ANXA4: variants seen among roughly 807,000 people sequenced by gnomAD.
ANXA4 encodes the protein annexin A4, also known as 35-beta calcimedin.
ANXA4 carries 39 observed loss-of-function variants against 49.8 expected under a neutral mutation model. The observed-to-expected ratio is 0.78, with a 90% CI of 0.61 to 1.02. The LOEUF is 1.02. ANXA4 is among the 50% of genes least tolerant of loss of function. The pLI is 0.00. For missense variants in ANXA4, 360 were observed against 410.1 expected, an observed-to-expected ratio of 0.88 and a Z score of 1.05; for synonymous variants, 134 against 152.5, an observed-to-expected ratio of 0.88 and a Z score of 0.89.
At chr2:69,653,785 A>G (rs1676338342) in intron 2 of ANXA4, among the ~76,000 whole-genome samples, 1 of 152,236 alleles carries the variant, frequency 6.6e-6, no homozygotes, top group Admixed American at 6.5e-5. Context: ...TTGGTTCCAT[A>G]TGAAATTTAA....
In ANXA4 at chr2:69,771,093, C is replaced by CTA. The variant is rs1671693463; in HGVS notation, c.-46-10427_-46-10426insTA. 4.0e-5 allele frequency among the ~76,000 whole-genome samples: 4 copies of CTA among 99,458 alleles called. No homozygotes were observed. In the South Asian group the frequency reaches 1.3e-3, roughly 33 times the overall value. The allele number at this position is 99,458 out of a possible 152,430, so 65.2% of individuals were successfully genotyped here. A position where few individuals can be genotyped will look rare whatever the true frequency, so the allele number is the denominator to read the frequency against. The stretch of plus-strand genomic sequence containing the variant: ...TGGGCAACAGGGCAAGACCCTGTCT[C>CTA]CAAAAAAAAAAAAAAGAAAAAAAAA... On this transcript the variant is annotated intron_variant, in intron 1 of 12. Coordinates refer to ENST00000394295, the MANE Select transcript of ANXA4 (RefSeq NM_001153.5).
At chr2:69,690,622 C>A (rs904725123) in intron 2 of ANXA4, among the ~76,000 whole-genome samples, 2 of 152,214 alleles carry the variant, frequency 1.3e-5, no homozygotes, top group African/African-American at 4.8e-5. Flanking sequence ...CCAGCCTGAG[C>A]AAAGGTTCTA....
chr2:69,721,875 A>T (rs1669820333), intron 3 of ANXA4, among the ~76,000 whole-genome samples: 1 of 152,188 alleles, frequency 6.6e-6, no homozygotes, highest in South Asian at 2.1e-4. Flanking sequence ...ATTTTTTGTC[A>T]GAAATAACAG....
chr2:69,706,032 T>C (rs1179900974), intron 2 of ANXA4, among the ~76,000 whole-genome samples: 1 of 151,912 alleles, frequency 6.6e-6, no homozygotes, highest in Non-Finnish European at 1.5e-5. Flanking sequence ...TATATATCTG[T>C]GTAGTGTGAG....
chr2:69,656,288 CATATATGTATATATAT>C lies in ANXA4; in HGVS notation n.766+3007_766+3022del, dbSNP rs1559045997. The stretch of plus-strand genomic sequence containing the variant: ...ATATATGTATATACGTATATATATA[CATATATGTATATATAT>C]GTATATATGTATATATATGTATATA... On this transcript the variant is annotated intron_variant and non_coding_transcript_variant, in intron 2 of 3. Coordinates refer to the ANXA4 transcript ENST00000418066. Among the ~76,000 whole-genome samples the C allele has an allele frequency of 2.3e-4, 21 of 89,534 alleles. 2 individuals are homozygous for C. In the East Asian group the frequency reaches 0.011, roughly 46 times the overall value. 58.7% of individuals were successfully genotyped at this position (89,534 alleles called of 152,430 possible).
intron 1 of ANXA4, among the ~76,000 whole-genome samples, chr2:69,752,978 C>T (rs1670909113): frequency 6.6e-6 from 1 of 152,194 alleles, no homozygotes; most frequent in Non-Finnish European, 1.5e-5. Context: ...AAAATTCTTT[C>T]CCTATTGAAA....
chr2:69,798,086 G>A (rs373391473), intron 3 of ANXA4, among the ~76,000 whole-genome samples: 1 of 152,326 alleles, frequency 6.6e-6, no homozygotes, highest in East Asian at 1.9e-4. Flanking sequence ...ACTGGACAGT[G>A]CTGGTTCCTC....
chr2:69,728,402 T>G (rs1670016806), intron 3 of ANXA4, among the ~76,000 whole-genome samples: 1 of 152,238 alleles, frequency 6.6e-6, no homozygotes, highest in Admixed American at 6.5e-5. Flanking sequence ...ATTTATTTAT[T>G]TTTCTTTATG....
In ANXA4 at chr2:69,788,138, C is replaced by T; in HGVS notation, c.94C>T (p.Leu32Phe). ...AQTLRKAMKGLGTDEDAIISV... is the reference protein window; with the variant it reads ...AQTLRKAMKGFGTDEDAIISV... Reference sequence around the variant, plus strand: ...GACCCTGAGGAAGGCCATGAAAGGGCTCGGTATGTGTCCTGCTGGAAGTGA... The same window carrying T: ...GACCCTGAGGAAGGCCATGAAAGGGTTCGGTATGTGTCCTGCTGGAAGTGA... The change falls in exon 3 of 13, where the codon CTC (leucine) becomes TTC (phenylalanine). Residue 32 changes from leucine to phenylalanine, a missense_variant. Leu to Phe is a conservative substitution (Grantham distance 22). Transcript: ENST00000394295. 1 of 1,613,456 alleles carries T rather than the reference C, an allele frequency of 6.2e-7. No homozygotes were observed. The highest frequency in any genetic ancestry group is 8.5e-7 in the Non-Finnish European group (1 of 1,179,432).
intron 3 of ANXA4, among the ~76,000 whole-genome samples, chr2:69,789,922 T>A (rs1672606008): frequency 6.6e-6 from 1 of 152,152 alleles, no homozygotes; most frequent in South Asian, 2.1e-4. Context: ...TCAATCTTAC[T>A]GCGCCTAAAG....
At chr2:69,658,744 G>C (rs1335808486) in intron 2 of ANXA4, among the ~76,000 whole-genome samples, 2 of 152,046 alleles carry the variant, frequency 1.3e-5, no homozygotes, top group Non-Finnish European at 2.9e-5. Flanking sequence ...GCCCAGGCTG[G>C]AGTGCAGTGG....
chr2:69,643,971 C>A, upstream of ANXA4: 2 of 927,346 alleles, frequency 2.2e-6, no homozygotes, highest in Non-Finnish European at 2.7e-6. Context: ...ATCACCCGAG[C>A]CGCAGGGCAA....
chr2:69,778,435 G>A (rs1672049439), intron 1 of ANXA4, among the ~76,000 whole-genome samples: 1 of 152,228 alleles, frequency 6.6e-6, no homozygotes, highest in African/African-American at 2.4e-5. Flanking sequence ...CAAGTCAACT[G>A]TCTCTGGAGT....
intron 2 of ANXA4, among the ~76,000 whole-genome samples, chr2:69,713,291 G>A (rs1678735408): frequency 6.6e-6 from 1 of 151,986 alleles, no homozygotes; most frequent in African/African-American, 2.4e-5. Flanking sequence ...GAGTGCTATT[G>A]GTGTAACACA....
chr2:69,681,359 A>G (rs1375125003), intron 2 of ANXA4, among the ~76,000 whole-genome samples: 3 of 134,020 alleles, frequency 2.2e-5, no homozygotes, highest in Non-Finnish European at 1.6e-5. Flanking sequence ...CTCCTTTTTC[A>G]TTTCTGATTT....
At chr2:69,740,647 C>G (rs1452966572), upstream of ANXA4, among the ~76,000 whole-genome samples, 2 of 127,934 alleles carry the variant, frequency 1.6e-5, no homozygotes, top group Admixed American at 7.8e-5. Flanking sequence ...GTTTTCTTTT[C>G]TTTTTTTCTT....
intron 1 of ANXA4, among the ~76,000 whole-genome samples, chr2:69,758,800 G>A (rs1671159428): frequency 6.6e-6 from 1 of 152,084 alleles, no homozygotes; most frequent in South Asian, 2.1e-4. Flanking sequence ...GATATCACAA[G>A]GAATAAGCCA....
chr2:69,796,081 G>C (rs116222491), intron 3 of ANXA4, among the ~76,000 whole-genome samples: 2,011 of 152,288 alleles, frequency 0.013, 51 homozygotes, highest in African/African-American at 0.046. Flanking sequence ...CTGAGCCCTA[G>C]GACCTGTCAG....
At chr2:69,756,149 C>G (rs543749384) in intron 1 of ANXA4, among the ~76,000 whole-genome samples, 5 of 152,354 alleles carry the variant, frequency 3.3e-5, no homozygotes, top group African/African-American at 1.2e-4. Flanking sequence ...ATCAGCATAT[C>G]CCTGGCCTTA....
Sources: allele counts gnomAD v4.1 joint callset (sites outside exome capture counted in the v4.1 genomes callset), GRCh38; gene constraint gnomAD v4.1.1; transcripts MANE v1.5; gene names NCBI Gene and HGNC (gene_info 2026-07-23, HGNC 2026-07-21).